Variants in EIF2S3B observed in about 807,000 individuals in gnomAD.
EIF2S3B encodes the protein eukaryotic translation initiation factor 2 subunit 3B.
In EIF2S3B, 16 loss-of-function variants were observed where a neutral mutation model predicts 26.4. The observed-to-expected ratio is 0.61, with a 90% CI of 0.41 to 0.92. EIF2S3B has a LOEUF of 0.92. Ranked by LOEUF, EIF2S3B falls within the 40% of genes least tolerant of loss-of-function variation. The pLI, the probability that EIF2S3B is intolerant of heterozygous loss-of-function variation, is 0.00. For synonymous variants in EIF2S3B, 183 were observed against 204.4 expected, an observed-to-expected ratio of 0.90 and a Z score of 0.89; for missense variants, 510 against 575.5, an observed-to-expected ratio of 0.89 and a Z score of 1.16.
Position 10,506,008 on chromosome 12 carries a change from A to G in EIF2S3B, c.106A>G (p.Ile36Val). Residue 36 changes from isoleucine to valine, a missense_variant, in exon 1 of 1, where the codon ATC becomes GTC. Ile to Val is a conservative substitution (Grantham distance 29). Coordinates refer to ENST00000538173, the MANE Select transcript of EIF2S3B (RefSeq NM_001357734.3). ...TKLTPLSHEV[I>V]SRQATINIGT... ...GTTGACGCCACTTTCACACGAAGTT[A>G]TCAGCAGACAAGCCACAATTAATAT... 2 of 1,605,922 alleles carry G rather than the reference A, an allele frequency of 1.2e-6. No homozygotes were observed. Among genetic ancestry groups the G allele is most frequent in the Non-Finnish European group, 1.7e-6 (2 of 1,172,462 alleles).
chr12:10,520,831 A>G lies in EIF2S3B; in HGVS notation c.1309-1772A>G, dbSNP rs529172815. 4.5e-4 allele frequency among the ~76,000 whole-genome samples: 69 copies of G among 152,304 alleles called. No homozygotes were observed. In the East Asian group the frequency reaches 7.9e-3, roughly 18 times the overall value. ...CATCATGAAGGAATGGAGAGACCTC[A>G]ATAAGTAATAAGCATGATAGTCAAG... On this transcript the variant is annotated intron_variant, in intron 1 of 1. Coordinates refer to the EIF2S3B transcript ENST00000322446.
intron 1 of EIF2S3B, among the ~76,000 whole-genome samples, chr12:10,520,269 C>G (rs1591637357): frequency 6.7e-6 from 1 of 150,068 alleles, no homozygotes; most frequent in African/African-American, 2.5e-5. Flanking sequence ...GACAAAAAAC[C>G]AAACACCGCA....
chr12:10,515,709 T>C (rs760262030), intron 1 of EIF2S3B, among the ~76,000 whole-genome samples: 20 of 151,880 alleles, frequency 1.3e-4, no homozygotes, highest in African/African-American at 4.1e-4. Context: ...AATCAAAGAT[T>C]CTCCCAACTC....
At position 10,508,383 on chromosome 12, in the gene EIF2S3B, A is replaced by G. The variant is rs1198108917; in HGVS notation, c.*1062A>G. ...TCCATTGGAAAATACTGTTATACCA[A>G]ATAATTCTAGATGAGTAACAAAGAT... On this transcript the variant is annotated 3_prime_UTR_variant, in exon 1 of 1. Coordinates refer to ENST00000538173, the MANE Select transcript of EIF2S3B (RefSeq NM_001357734.3). Among the ~76,000 whole-genome samples the G allele has an allele frequency of 1.3e-5, 2 of 152,174 alleles. No homozygotes were observed. The highest frequency in any genetic ancestry group is 2.9e-5 in the Non-Finnish European group (2 of 68,002).
chr12:10,510,841 T>C (rs1180212033), downstream of EIF2S3B, among the ~76,000 whole-genome samples: 2 of 152,124 alleles, frequency 1.3e-5, no homozygotes, highest in African/African-American at 4.8e-5. Flanking sequence ...CAGGAAGAAA[T>C]CTACCAAAGT....
At chr12:10,510,270 A>AC (rs1864691523), downstream of EIF2S3B, among the ~76,000 whole-genome samples, 1 of 152,176 alleles carries the variant, frequency 6.6e-6, no homozygotes, top group Non-Finnish European at 1.5e-5. Context: ...GTGCACCAGT[A>AC]CTAAAGGTAC....
At chr12:10,519,201 G>A (rs1030421236) in intron 1 of EIF2S3B, among the ~76,000 whole-genome samples, 5 of 152,032 alleles carry the variant, frequency 3.3e-5, no homozygotes, top group Admixed American at 6.6e-5. Flanking sequence ...CAGAAATAAC[G>A]CCGCTTATCT....
chr12:10,508,919 G>A (rs142119467), downstream of EIF2S3B, among the ~76,000 whole-genome samples: 129 of 152,078 alleles, frequency 8.5e-4, no homozygotes, highest in African/African-American at 2.6e-3. Flanking sequence ...CATGAGAACC[G>A]TCAGATAAAA....
chr12:10,508,880 G>T (rs1864676549), downstream of EIF2S3B, among the ~76,000 whole-genome samples: 1 of 151,994 alleles, frequency 6.6e-6, no homozygotes, highest in Admixed American at 6.5e-5. Flanking sequence ...TCTTAGAAAA[G>T]TTGTTAAAAT....
intron 1 of EIF2S3B, among the ~76,000 whole-genome samples, chr12:10,516,517 TA>T: frequency 6.6e-6 from 1 of 152,048 alleles, no homozygotes; most frequent in East Asian, 1.9e-4. Context: ...ATATTACACA[TA>T]AATACACCTC....
chr12:10,520,561 T>G (rs1003152863), intron 1 of EIF2S3B, among the ~76,000 whole-genome samples: 31 of 152,244 alleles, frequency 2.0e-4, no homozygotes, highest in African/African-American at 7.2e-4. Context: ...CAAATATATA[T>G]GAACATAATT....
intron 1 of EIF2S3B, among the ~76,000 whole-genome samples, chr12:10,518,039 T>C: frequency 6.6e-6 from 1 of 151,964 alleles, no homozygotes; most frequent in East Asian, 1.9e-4. Context: ...AACTATGTGG[T>C]CAATTTTGGA....
rs761096418 is a variant in EIF2S3B, at chr12:10,507,131, C to G, written c.1229C>G (p.Ser410Cys). The change falls in exon 1 of 1, where the codon TCC becomes TGC. Residue 410 changes from serine to cysteine, a missense_variant. Coordinates refer to ENST00000538173, the MANE Select transcript of EIF2S3B (RefSeq NM_001357734.3). Reference sequence around the variant, plus strand: ...GAAGTGCTCATGGTGAACATAGGATCCCTGTCGACAGGAGGGAGAGTTAGT... The same window carrying G: ...GAAGTGCTCATGGTGAACATAGGATGCCTGTCGACAGGAGGGAGAGTTAGT... ...KNEVLMVNIG[S>C]LSTGGRVSAV... 1 of 1,613,790 alleles carries G rather than the reference C, an allele frequency of 6.2e-7. No individual in the cohort carries two copies. The highest frequency in any genetic ancestry group is 8.5e-7 in the Non-Finnish European group (1 of 1,179,692).
At chr12:10,516,976 G>A (rs1864764344) in intron 1 of EIF2S3B, among the ~76,000 whole-genome samples, 3 of 150,006 alleles carry the variant, frequency 2.0e-5, no homozygotes, top group African/African-American at 7.3e-5. Flanking sequence ...TGATCATGGT[G>A]GATAAGCTTT....
At position 10,507,061 on chromosome 12, in the gene EIF2S3B, G is replaced by A; in HGVS notation, c.1159G>A (p.Glu387Lys). The change falls in exon 1 of 1, where the codon GAA (glutamate) becomes AAA (lysine). Residue 387 changes from glutamate (E) to lysine (K), a missense_variant. Transcript: ENST00000538173. ...LLRRLLGVRT[E>K]GDKKAAKVQK... is the part of the protein sequence containing the mutation. ...TAGACGGCTTCTAGGTGTACGCACT[G>A]AAGGAGACAAGAAAGCAGCAAAGGT... is the stretch of plus-strand genomic sequence containing the variant. The A allele has an allele frequency of 6.2e-7, 1 of 1,613,824 alleles. No individual in the cohort carries two copies. The highest frequency in any genetic ancestry group is 8.5e-7 in the Non-Finnish European group (1 of 1,179,712).
At chr12:10,522,436 T>C (rs1864842495) in intron 1 of EIF2S3B, among the ~76,000 whole-genome samples, 1 of 152,228 alleles carries the variant, frequency 6.6e-6, no homozygotes, top group Non-Finnish European at 1.5e-5. Context: ...AAAAAGAGTA[T>C]AAATTTGTCA....
chr12:10,522,246 A>G (rs56139460), intron 1 of EIF2S3B, among the ~76,000 whole-genome samples: 16,829 of 152,142 alleles, frequency 0.11, 1,152 homozygotes, highest in Non-Finnish European at 0.16. Flanking sequence ...GAGGCAGGAG[A>G]GTCACTCGAG....
intron 1 of EIF2S3B, among the ~76,000 whole-genome samples, chr12:10,522,060 G>A (rs1262373894): frequency 6.6e-6 from 1 of 152,142 alleles, no homozygotes; most frequent in Non-Finnish European, 1.5e-5. Flanking sequence ...AAAACCCAGA[G>A]GAGTAAAGTT....
At chr12:10,513,717 T>C (rs144491535) in intron 1 of EIF2S3B, among the ~76,000 whole-genome samples, 8 of 152,260 alleles carry the variant, frequency 5.3e-5, no homozygotes, top group African/African-American at 1.9e-4. Flanking sequence ...TTTAATAACA[T>C]ATAAGAATCA....
Sources: gnomAD v4.1 joint callset for allele counts (sites outside exome capture counted in the v4.1 genomes callset) on GRCh38, gnomAD v4.1.1 for gene constraint, MANE v1.5 for transcripts, NCBI Gene and HGNC (gene_info 2026-07-23, HGNC 2026-07-21) for gene names.